The following AOAH variants were observed in gnomAD, a reference collection of about 807,000 sequenced individuals.
AOAH encodes the protein acyloxyacyl hydrolase (neutrophil).
In AOAH, 64 loss-of-function variants were observed where a neutral mutation model predicts 92.2. That is an observed-to-expected ratio of 0.69 (90% CI 0.57 to 0.86). The LOEUF (loss-of-function observed/expected upper bound fraction) is 0.86, where lower values mean the gene tolerates loss of function less well. Ranked by LOEUF, AOAH falls within the 40% of genes least tolerant of loss-of-function variation. The probability of loss-of-function intolerance (pLI) is 0.00; values close to 1 mark genes in which losing one functional copy is unlikely to be tolerated. For missense variants in AOAH, 656 were observed against 694.6 expected, an observed-to-expected ratio of 0.94 and a Z score of 0.62; for synonymous variants, 263 against 254.5, an observed-to-expected ratio of 1.03 and a Z score of -0.32.
chr7:36,557,631 G>A (rs1266157784), intron 13 of AOAH, among the ~76,000 whole-genome samples: 218 of 152,322 alleles, frequency 1.4e-3, no homozygotes, highest in African/African-American at 4.9e-3. Context: ...CCAATCAGAC[G>A]TAGATTTGGT....
chr7:36,566,076 G>A (rs574750525), intron 13 of AOAH, among the ~76,000 whole-genome samples: 1 of 145,422 alleles, frequency 6.9e-6, no homozygotes, highest in Non-Finnish European at 1.5e-5. Context: ...TGACCTTGAC[G>A]CTTTTAAGTA....
intron 16 of AOAH, 151 bp from the exon 17 acceptor site, chr7:36,532,495 T>A: frequency 1.3e-6 from 1 of 746,930 alleles, no homozygotes; most frequent in Non-Finnish European, 2.3e-6. Flanking sequence ...GAAGAATGCC[T>A]GTGCTTTCCT....
At chr7:36,552,779 G>A (rs1281325326) in intron 13 of AOAH, among the ~76,000 whole-genome samples, 1 of 152,086 alleles carries the variant, frequency 6.6e-6, no homozygotes, top group Non-Finnish European at 1.5e-5. Flanking sequence ...TTATGTCCAT[G>A]AGTATCCATT....
chr7:36,544,226 T>TA (rs948202003), intron 15 of AOAH, among the ~76,000 whole-genome samples: 1 of 152,164 alleles, frequency 6.6e-6, no homozygotes, highest in African/African-American at 2.4e-5. Flanking sequence ...ATTACAGGCA[T>TA]AAGCCACTGC....
chr7:36,701,939 T>C (rs1798059425), intron 1 of AOAH, among the ~76,000 whole-genome samples: 1 of 152,096 alleles, frequency 6.6e-6, no homozygotes, highest in South Asian at 2.1e-4. Flanking sequence ...CTTATTTAGA[T>C]GTTCATATTT....
At chr7:36,626,390 T>A (rs1406237246) in intron 6 of AOAH, among the ~76,000 whole-genome samples, 1 of 152,206 alleles carries the variant, frequency 6.6e-6, no homozygotes, top group Non-Finnish European at 1.5e-5. Flanking sequence ...TTTATTAACC[T>A]TTGTCTGCTT....
At chr7:36,517,214 C>CTTTCTTTCTTTCTTTCTTTT (rs59205788) in intron 20 of AOAH, among the ~76,000 whole-genome samples, 2 of 104,828 alleles carry the variant, frequency 1.9e-5, no homozygotes, top group Admixed American at 1.0e-4. Context: ...TTCTTTCTTT[C>CTTTCTTTCTTTCTTTCTTTT]TCTTTCTTTC....
intron 19 of AOAH, among the ~76,000 whole-genome samples, chr7:36,524,697 T>C (rs192686461): frequency 1.3e-5 from 2 of 150,874 alleles, no homozygotes; most frequent in Non-Finnish European, 2.9e-5. Context: ...AATTAAAAGA[T>C]AAATAAATCA....
chr7:36,628,900 G>A (rs974217009), intron 6 of AOAH, among the ~76,000 whole-genome samples: 2 of 152,124 alleles, frequency 1.3e-5, no homozygotes, highest in Non-Finnish European at 2.9e-5. Flanking sequence ...AGAGTTGAGG[G>A]GTCAATGGAA....
chr7:36,534,984 T>C lies in AOAH; in HGVS notation c.1307-2640A>G, dbSNP rs1395518996. ...TGTGTCTGTGTCTCTGTGTGTGTGT[T>C]TGTGTGTGTCTGCTTGTGTGTATCT... On this transcript the variant is annotated intron_variant, in intron 16 of 20. Coordinates refer to ENST00000617537, the MANE Select transcript of AOAH (RefSeq NM_001637.4). Among the ~76,000 whole-genome samples the C allele has an allele frequency of 1.6e-4, 22 of 141,926 alleles. No individual in the cohort carries two copies. The South Asian group carries it at 4.1e-3, about 27-fold the overall frequency. 93.1% of individuals were successfully genotyped at this position (141,926 alleles called of 152,430 possible). A position where few individuals can be genotyped will look rare whatever the true frequency, so the allele number is the denominator to read the frequency against.
Position 36,565,233 on chromosome 7 carries a change from TG to T in AOAH, c.1021+11340del, listed in dbSNP as rs376501818. On this transcript the variant is annotated intron_variant, in intron 13 of 20. Transcript: ENST00000617537. Reference sequence around the variant, plus strand: ...CTGTCATCTGTTGCTGTCACCACTCTGTATCAAGGCTCTGCAAACAGAAATG... The same window carrying T: ...CTGTCATCTGTTGCTGTCACCACTCTTATCAAGGCTCTGCAAACAGAAATG... 4.4e-4 allele frequency among the ~76,000 whole-genome samples: 66 copies of T among 151,404 alleles called. No individual in the cohort carries two copies. The East Asian group carries it at 5.7e-3, about 13-fold the overall frequency.
chr7:36,719,144 G>A (rs947382848), intron 1 of AOAH, among the ~76,000 whole-genome samples: 3 of 152,102 alleles, frequency 2.0e-5, no homozygotes, highest in Admixed American at 6.6e-5. Context: ...GACTTCATAA[G>A]GTCATTGTAA....
At chr7:36,613,385 A>G (rs1415215856) in intron 11 of AOAH, among the ~76,000 whole-genome samples, 2 of 152,260 alleles carry the variant, frequency 1.3e-5, no homozygotes, top group Non-Finnish European at 2.9e-5. Context: ...AAGGAAAAGC[A>G]GGAAACACAG....
chr7:36,618,234 A>G, intron 10 of AOAH, 63 bp downstream of exon 10: 2 of 1,511,034 alleles, frequency 1.3e-6, no homozygotes, highest in Non-Finnish European at 1.8e-6. Flanking sequence ...GCTCACTTCA[A>G]TTTGACTCAA....
At chr7:36,519,567 A>G (rs1169793286) in intron 20 of AOAH, among the ~76,000 whole-genome samples, 1 of 152,178 alleles carries the variant, frequency 6.6e-6, no homozygotes, top group Non-Finnish European at 1.5e-5. Context: ...AGTAGCTGGG[A>G]TTACAGGCAT....
At chr7:36,677,532 C>T (rs1306394138) in intron 2 of AOAH, among the ~76,000 whole-genome samples, 1 of 152,142 alleles carries the variant, frequency 6.6e-6, no homozygotes, top group African/African-American at 2.4e-5. Flanking sequence ...ACCAGCTCCT[C>T]AGACTGTTTA....
At chr7:36,554,364 C>T (rs1054415984) in intron 13 of AOAH, among the ~76,000 whole-genome samples, 1 of 152,160 alleles carries the variant, frequency 6.6e-6, no homozygotes, top group South Asian at 2.1e-4. Context: ...GGTACCAGTA[C>T]CATGCTGTTT....
intron 2 of AOAH, among the ~76,000 whole-genome samples, chr7:36,686,054 T>TATTC (rs1796985319): frequency 6.6e-6 from 1 of 152,170 alleles, no homozygotes; most frequent in Non-Finnish European, 1.5e-5. Flanking sequence ...CAAAGAAGTT[T>TATTC]ATTCATTACG....
chr7:36,534,557 C>T (rs564144656), intron 16 of AOAH, among the ~76,000 whole-genome samples: 7 of 152,284 alleles, frequency 4.6e-5, no homozygotes, highest in Middle Eastern at 3.4e-3. Context: ...CTTATGGTTT[C>T]GAGGAAGGGA....
Sources: allele counts gnomAD v4.1 joint callset (sites outside exome capture counted in the v4.1 genomes callset), GRCh38; gene constraint gnomAD v4.1.1; transcripts MANE v1.5; gene names NCBI Gene and HGNC (gene_info 2026-07-23, HGNC 2026-07-21).